PAG1: variants seen among roughly 807,000 people sequenced by gnomAD.
The protein encoded by PAG1 is phosphoprotein associated with glycosphingolipid-enriched microdomains 1.
In PAG1, 23 loss-of-function variants were observed where a neutral mutation model predicts 31.7. The ratio of observed to expected loss-of-function variants is 0.73; its 90% CI spans 0.52 to 1.03. The LOEUF (loss-of-function observed/expected upper bound fraction) is 1.03, where lower values mean the gene tolerates loss of function less well. PAG1 is among the 50% of genes least tolerant of loss of function. The pLI, the probability that PAG1 is intolerant of heterozygous loss-of-function variation, is 0.00. For synonymous variants in PAG1, 214 were observed against 210.3 expected (o/e 1.02, Z -0.15); for missense variants, 473 against 540.7 (o/e 0.87, Z 1.24).
At chr8:81,101,473 T>C (rs2131111181) in intron 1 of PAG1, among the ~76,000 whole-genome samples, 1 of 152,274 alleles carries the variant, frequency 6.6e-6, no homozygotes, top group East Asian at 1.9e-4. Flanking sequence ...ATTTAGGCAA[T>C]ACAATGACAC....
intron 5 of PAG1, among the ~76,000 whole-genome samples, chr8:80,989,495 G>A (rs1434355128): frequency 6.6e-6 from 1 of 152,208 alleles, no homozygotes; most frequent in African/African-American, 2.4e-5. Flanking sequence ...GTGTGTACAT[G>A]GGTGCCAGTG....
At chr8:80,987,545 T>C in intron 5 of PAG1, 79 bp from the exon 6 acceptor site, 2 of 991,236 alleles carry the variant, frequency 2.0e-6, no homozygotes, top group East Asian at 2.4e-5. Context: ...AGAAGATCCA[T>C]GGCTTTTTCA....
chr8:81,046,243 C>G (rs1563641627), intron 2 of PAG1, among the ~76,000 whole-genome samples: 2 of 152,178 alleles, frequency 1.3e-5, no homozygotes, highest in South Asian at 4.1e-4. Flanking sequence ...GACAGTGTAT[C>G]AGGCAAAAGA....
intron 3 of PAG1, among the ~76,000 whole-genome samples, chr8:81,011,064 C>G (rs1043930654): frequency 2.0e-5 from 3 of 152,198 alleles, no homozygotes; most frequent in Non-Finnish European, 4.4e-5. Flanking sequence ...ATCTCATTAC[C>G]CTGCTGTCTT....
At position 80,976,859 on chromosome 8, in the gene PAG1, A is replaced by G; in HGVS notation, c.984T>C (p.Asn328=). The G allele has an allele frequency of 6.2e-7, 1 of 1,613,640 alleles. No homozygotes were observed. The highest frequency in any genetic ancestry group is 8.5e-7 in the Non-Finnish European group (1 of 1,179,582). ...GAACTGTAAGCGACTGCCCCGATTT[A>G]TTCACTAACTGTCCAGGTTTATTTA... ...SSVNKPGQLV[N]KSGQSLTVPE... Residue 328 remains asparagine (N), a synonymous_variant, in exon 9 of 9, where the codon AAT becomes AAC. Transcript: ENST00000220597.
chr8:80,982,750 C>T (rs1807334875), intron 7 of PAG1, among the ~76,000 whole-genome samples: 1 of 152,200 alleles, frequency 6.6e-6, no homozygotes, highest in Non-Finnish European at 1.5e-5. Context: ...AATGGCAATT[C>T]AATCTTTCCC....
At chr8:81,081,223 A>C (rs1053208176) in intron 1 of PAG1, among the ~76,000 whole-genome samples, 4 of 152,030 alleles carry the variant, frequency 2.6e-5, no homozygotes, top group African/African-American at 7.2e-5. Flanking sequence ...AAAAAAAAAA[A>C]CAGACTTTAG....
At chr8:81,045,900 G>A (rs1026831) in intron 2 of PAG1, among the ~76,000 whole-genome samples, 108,597 of 152,126 alleles carry the variant, frequency 0.71, 40,921 homozygotes, top group Non-Finnish European at 0.84. Flanking sequence ...TGACAGATAA[G>A]GATCTCTCAT....
Position 80,991,533 on chromosome 8 carries a change from G to T in PAG1, c.126-3C>A. On this transcript the variant is annotated splice_polypyrimidine_tract_variant and splice_region_variant and intron_variant, in intron 4 of 8. Coordinates refer to ENST00000220597, the MANE Select transcript of PAG1 (RefSeq NM_018440.4). ...TATGCTGTCGCGGCTTCTTTTCCCT[G>T]AAATGAAAAGTGAAATGTTGTAATG... 1 of 1,610,580 alleles carries T rather than the reference G, an allele frequency of 6.2e-7. No homozygotes were observed. The highest frequency in any genetic ancestry group is 8.5e-7 in the Non-Finnish European group (1 of 1,176,776).
Position 80,985,238 on chromosome 8 carries a change from G to A in PAG1, c.414C>T (p.Pro138=), listed in dbSNP as rs537500717. 2.0e-5 allele frequency: 32 copies of A among 1,614,048 alleles called. No homozygotes were observed. In the African/African-American group the frequency reaches 2.0e-4, roughly 10 times the overall value. Residue 138 remains proline (P), a synonymous_variant, in exon 7 of 9, where the codon CCC becomes CCT. Coordinates refer to ENST00000220597, the MANE Select transcript of PAG1 (RefSeq NM_018440.4). ...TGAGCATGGTATCCACTGCGCTCTC[G>A]GGAGGGATTCTGGGCAGCTCCCGAC... ...HQSRELPRIP[P]ESAVDTMLTA...
chr8:81,036,540 T>C (rs1279152568), intron 2 of PAG1, among the ~76,000 whole-genome samples: 1 of 152,216 alleles, frequency 6.6e-6, no homozygotes, highest in Non-Finnish European at 1.5e-5. Flanking sequence ...ATAGTAATCA[T>C]GCAAGAAAAC....
intron 2 of PAG1, among the ~76,000 whole-genome samples, chr8:81,052,836 G>A (rs1414955477): frequency 3.3e-5 from 5 of 152,084 alleles, no homozygotes; most frequent in Admixed American, 2.6e-4. Flanking sequence ...GTTGTTCTTG[G>A]AAAACAAAGG....
At chr8:81,030,883 C>T (rs1003198080) in intron 2 of PAG1, among the ~76,000 whole-genome samples, 2 of 152,118 alleles carry the variant, frequency 1.3e-5, no homozygotes, top group Non-Finnish European at 2.9e-5. Flanking sequence ...GGGAGAGGGA[C>T]GGAATGAATG....
chr8:81,024,427 G>A (rs558670380), intron 3 of PAG1, among the ~76,000 whole-genome samples: 190 of 152,284 alleles, frequency 1.2e-3, no homozygotes, highest in African/African-American at 4.3e-3. Flanking sequence ...AGAATACTCC[G>A]GAGTCCAGAG....
intron 6 of PAG1, 60 bp from the exon 7 acceptor site, chr8:80,985,437 G>A: frequency 1.3e-6 from 2 of 1,504,394 alleles, no homozygotes; most frequent in Non-Finnish European, 1.8e-6. Context: ...TTATTACCGA[G>A]AATCAGGTAA....
Position 80,975,325 on chromosome 8 carries a change from T to C in PAG1, c.*1219A>G, listed in dbSNP as rs1225857750. ...TTTAAACACTTGATTAGAAAAAAGA[T>C]AACAGCTCCTTGTAGTGATCTAGCT... On this transcript the variant is annotated 3_prime_UTR_variant, in exon 9 of 9. Transcript: ENST00000220597. The C allele has an allele frequency of 6.6e-6, 1 of 152,228 alleles. No individual in the cohort carries two copies. Among genetic ancestry groups the C allele is most frequent in the Non-Finnish European group, 1.5e-5 (1 of 68,018 alleles). The allele number at this position is 152,228 out of a possible 1,614,324, so 9.4% of individuals were successfully genotyped here.
intron 2 of PAG1, among the ~76,000 whole-genome samples, chr8:81,066,359 G>A (rs1052119836): frequency 2.6e-5 from 4 of 152,204 alleles, no homozygotes; most frequent in Non-Finnish European, 4.4e-5. Flanking sequence ...ATACCCTCTA[G>A]CATCAGAACA....
intron 3 of PAG1, among the ~76,000 whole-genome samples, chr8:81,020,744 T>C (rs1414472052): frequency 6.6e-6 from 1 of 152,112 alleles, no homozygotes; most frequent in African/African-American, 2.4e-5. Flanking sequence ...TTTGGTAGAG[T>C]TCAAAAGTGC....
chr8:81,018,614 A>G (rs57029136), intron 3 of PAG1, among the ~76,000 whole-genome samples: 1,821 of 152,300 alleles, frequency 0.012, 31 homozygotes, highest in African/African-American at 0.042. Context: ...TGATGTTTTT[A>G]TAAATGGGAG....
Sources: gnomAD v4.1 joint callset for allele counts (sites outside exome capture counted in the v4.1 genomes callset) on GRCh38, gnomAD v4.1.1 for gene constraint, MANE v1.5 for transcripts, NCBI Gene and HGNC (gene_info 2026-07-23, HGNC 2026-07-21) for gene names.